ROR1: variants seen among roughly 807,000 people sequenced by gnomAD.
ROR1 encodes inactive tyrosine-protein kinase transmembrane receptor ROR1.
ROR1 carries 19 observed loss-of-function variants against 78.8 expected under a neutral mutation model. The ratio of observed to expected loss-of-function variants is 0.24; its 90% CI spans 0.17 to 0.35. The LOEUF (loss-of-function observed/expected upper bound fraction) is 0.35. ROR1 is among the 10% of genes least tolerant of loss of function. The probability of loss-of-function intolerance (pLI) is 1.00; values close to 1 mark genes in which losing one functional copy is unlikely to be tolerated. For missense variants in ROR1, 917 were observed against 1,177.8 expected, an observed-to-expected ratio of 0.78 and a Z score of 3.24; for synonymous variants, 386 against 433.6, an observed-to-expected ratio of 0.89 and a Z score of 1.36.
chr1:64,044,905 A>T (rs1646772038), intron 2 of ROR1, among the ~76,000 whole-genome samples: 1 of 152,200 alleles, frequency 6.6e-6, no homozygotes, highest in African/African-American at 2.4e-5. Flanking sequence ...GGTGATATTA[A>T]TGCATTTGAA....
At chr1:64,102,101 G>T (rs1647573463) in intron 4 of ROR1, among the ~76,000 whole-genome samples, 1 of 152,140 alleles carries the variant, frequency 6.6e-6, no homozygotes, top group African/African-American at 2.4e-5. Context: ...AATAGGGCTG[G>T]GGAGAGGTCT....
intron 7 of ROR1, among the ~76,000 whole-genome samples, chr1:64,153,152 G>A (rs981339112): frequency 2.6e-5 from 4 of 151,984 alleles, no homozygotes; most frequent in Non-Finnish European, 5.9e-5. Flanking sequence ...TATACAAATG[G>A]CCAAAAGCAT....
chr1:64,140,188 T>C lies in ROR1; in HGVS notation c.690T>C (p.Tyr230=), dbSNP rs1649256150. Residue 230 remains tyrosine (Y), a synonymous_variant, in exon 6 of 9, where the codon TAT becomes TAC. Coordinates refer to ENST00000371079, the MANE Select transcript of ROR1 (RefSeq NM_005012.4). ...SQFAIPSLCH[Y]AFPYCDETSS... is the part of the protein sequence containing the mutation. ...TCGCCATTCCTTCCCTGTGCCACTA[T>C]GCCTTCCCGTACTGCGATGAAACTT... The C allele has an allele frequency of 6.2e-7, 1 of 1,614,214 alleles. No homozygotes were observed. The highest frequency in any genetic ancestry group is 8.5e-7 in the Non-Finnish European group (1 of 1,180,032).
intron 7 of ROR1, among the ~76,000 whole-genome samples, chr1:64,151,482 G>T (rs1275767927): frequency 6.6e-6 from 1 of 152,170 alleles, no homozygotes; most frequent in Non-Finnish European, 1.5e-5. Context: ...GGTCAGAAAG[G>T]ACTGAGACTG....
At chr1:63,793,337 G>A (rs193138177) in intron 1 of ROR1, among the ~76,000 whole-genome samples, 3 of 152,288 alleles carry the variant, frequency 2.0e-5, no homozygotes, top group Admixed American at 6.5e-5. Context: ...ATTGGCAGTA[G>A]GGTGATGACA....
intron 2 of ROR1, among the ~76,000 whole-genome samples, chr1:64,027,805 A>G: frequency 6.6e-6 from 1 of 151,688 alleles, no homozygotes; most frequent in East Asian, 1.9e-4. Flanking sequence ...CTCCTGCCTC[A>G]GCCTCCTGAG....
At chr1:64,153,929 A>G (rs1003896042) in intron 7 of ROR1, among the ~76,000 whole-genome samples, 8 of 152,238 alleles carry the variant, frequency 5.3e-5, no homozygotes, top group Non-Finnish European at 1.0e-4. Flanking sequence ...TTTAATTATT[A>G]AAAAAGATTA....
At chr1:64,133,018 G>T (rs937725230) in intron 4 of ROR1, among the ~76,000 whole-genome samples, 2 of 152,048 alleles carry the variant, frequency 1.3e-5, no homozygotes, top group Admixed American at 1.3e-4. Flanking sequence ...CAGTGGTAAG[G>T]TGGGCGCTAA....
chr1:63,916,835 TA>T (rs1293758482), intron 1 of ROR1, among the ~76,000 whole-genome samples: 3 of 152,190 alleles, frequency 2.0e-5, no homozygotes, highest in African/African-American at 7.2e-5. Context: ...CTCACTGCAT[TA>T]AGGGTAAAGA....
intron 1 of ROR1, among the ~76,000 whole-genome samples, chr1:63,870,272 C>G (rs902356075): frequency 1.3e-5 from 2 of 152,154 alleles, no homozygotes; most frequent in African/African-American, 4.8e-5. Context: ...GGACATTTAG[C>G]TATCCTTAGA....
intron 1 of ROR1, among the ~76,000 whole-genome samples, chr1:63,873,575 C>CAAG (rs1351840717): frequency 6.6e-6 from 1 of 151,808 alleles, no homozygotes; most frequent in East Asian, 1.9e-4. Flanking sequence ...GTCCATTGAT[C>CAAG]AAGTCAAAAG....
intron 1 of ROR1, among the ~76,000 whole-genome samples, chr1:63,813,926 A>G (rs1644874836): frequency 6.6e-6 from 1 of 152,182 alleles, no homozygotes; most frequent in African/African-American, 2.4e-5. Context: ...TGAAACTTTC[A>G]CAGTCCATGT....
At chr1:63,805,268 G>A (rs557108720) in intron 1 of ROR1, among the ~76,000 whole-genome samples, 29 of 152,342 alleles carry the variant, frequency 1.9e-4, no homozygotes, top group South Asian at 1.5e-3. Context: ...AGGCTTGGCC[G>A]TGGGTGTAGC....
chr1:64,048,028 C>T (rs755069430), intron 2 of ROR1, among the ~76,000 whole-genome samples: 10 of 152,156 alleles, frequency 6.6e-5, no homozygotes, highest in Non-Finnish European at 1.0e-4. Context: ...AATGTTCCTT[C>T]TGAATTTGGG....
At chr1:63,815,912 G>A (rs1030634665) in intron 1 of ROR1, among the ~76,000 whole-genome samples, 7 of 152,160 alleles carry the variant, frequency 4.6e-5, no homozygotes, top group Non-Finnish European at 1.0e-4. Context: ...TGGGGATTGG[G>A]GAAATGCATT....
intron 1 of ROR1, among the ~76,000 whole-genome samples, chr1:63,918,277 G>A (rs185752659): frequency 7.0e-4 from 107 of 152,286 alleles, no homozygotes; most frequent in Middle Eastern, 3.4e-3. Flanking sequence ...CCAGCACGAC[G>A]CACTGAATGC....
At chr1:64,019,731 G>A (rs181012604) in intron 2 of ROR1, among the ~76,000 whole-genome samples, 33 of 152,244 alleles carry the variant, frequency 2.2e-4, no homozygotes, top group African/African-American at 7.9e-4. Context: ...CTGAGATACT[G>A]TGACAGATTT....
Position 63,774,421 on chromosome 1 carries a change from C to T in ROR1, c.4C>T (p.His2Tyr). The T allele has an allele frequency of 1.7e-6, 2 of 1,182,186 alleles. No individual in the cohort carries two copies. Among genetic ancestry groups the T allele is most frequent in the East Asian group, 4.1e-5 (1 of 24,508 alleles). 73.2% of individuals were successfully genotyped at this position (1,182,186 alleles called of 1,614,324 possible). Reference sequence around the variant, plus strand: ...CGCCGCCTCAGCGAGAGGAGGAATGCACCGGCCGCGCCGCCGCGGGACGCG... The same window carrying T: ...CGCCGCCTCAGCGAGAGGAGGAATGTACCGGCCGCGCCGCCGCGGGACGCG... Reference protein sequence around the residue: MHRPRRRGTRPP... With the variant: MYRPRRRGTRPP... Residue 2 changes from histidine to tyrosine, a missense_variant, in exon 1 of 9, where the codon CAC becomes TAC. Around this residue, in one of 3 missense-constraint regions of ROR1, gnomAD observed 63 missense variants for 57.0 expected, o/e 1.10. Transcript: ENST00000371079. This position sits in a 1 kb window ranked among gnomAD's most constrained non-coding sequence, Gnocchi z 5.7.
chr1:63,845,988 G>A (rs1362705656), intron 1 of ROR1, among the ~76,000 whole-genome samples: 1 of 152,060 alleles, frequency 6.6e-6, no homozygotes, highest in African/African-American at 2.4e-5. Flanking sequence ...ACTCCTTCTG[G>A]AATACTGATT....
Sources: gnomAD v4.1 joint callset for allele counts (sites outside exome capture counted in the v4.1 genomes callset) on GRCh38, gnomAD v4.1.1 for gene constraint, gnomAD v4.1.1 regional missense constraint, Gnocchi (gnomAD v3.1) non-coding constraint, MANE v1.5 for transcripts, NCBI Gene and HGNC (gene_info 2026-07-23, HGNC 2026-07-21) for gene names.